GALNT12: variants seen among roughly 807,000 people sequenced by gnomAD.
The protein encoded by GALNT12 is polypeptide N-acetylgalactosaminyltransferase 12.
In GALNT12, 45 loss-of-function variants were observed where a neutral mutation model predicts 55.5. The ratio of observed to expected loss-of-function variants is 0.81; its 90% confidence interval spans 0.64 to 1.04. The LOEUF (loss-of-function observed/expected upper bound fraction) is 1.04. Ranked by LOEUF, GALNT12 falls within the 50% of genes least tolerant of loss-of-function variation. The pLI is 0.00. For missense variants in GALNT12, 709 were observed against 754.8 expected (o/e 0.94, Z 0.71); for synonymous variants, 304 against 312.2 (o/e 0.97, Z 0.28).
At chr9:98,817,670 G>A (rs1414815684) in intron 1 of GALNT12, among the ~76,000 whole-genome samples, 1 of 151,924 alleles carries the variant, frequency 6.6e-6, no homozygotes, top group East Asian at 1.9e-4. Context: ...CACTATGTTG[G>A]TCAGGCTGGT....
intron 4 of GALNT12, among the ~76,000 whole-genome samples, chr9:98,832,551 A>C (rs71501879): frequency 1.3e-5 from 2 of 152,140 alleles, no homozygotes; most frequent in Admixed American, 1.3e-4. Context: ...CAAAGCATGC[A>C]ATTTTAGTGG....
At position 98,849,168 on chromosome 9, in the gene GALNT12, G is replaced by A. The variant is rs1836493384; in HGVS notation, c.*76G>A. On this transcript the variant is annotated 3_prime_UTR_variant, in exon 10 of 10. Transcript: ENST00000375011. Reference sequence around the variant, plus strand: ...TGCCCAACAAAGACTTAGCTAAGCAGTGACCAGAACCCACCAAAAACTAGG... The same window carrying A: ...TGCCCAACAAAGACTTAGCTAAGCAATGACCAGAACCCACCAAAAACTAGG... 4 of 1,532,854 alleles carry A rather than the reference G, an allele frequency of 2.6e-6. 1 individual carries two copies. In the South Asian group the frequency reaches 4.5e-5, roughly 17 times the overall value. 95.0% of individuals were successfully genotyped at this position (1,532,854 alleles called of 1,614,324 possible).
At chr9:98,834,587 G>A (rs1312897423) in intron 4 of GALNT12, among the ~76,000 whole-genome samples, 1 of 152,248 alleles carries the variant, frequency 6.6e-6, no homozygotes, top group Non-Finnish European at 1.5e-5. Context: ...TGAAAAAGCA[G>A]CCTGAGGCTG....
chr9:98,832,646 C>T (rs1836029652), intron 4 of GALNT12, among the ~76,000 whole-genome samples: 1 of 152,140 alleles, frequency 6.6e-6, no homozygotes, highest in African/African-American at 2.4e-5. Context: ...AAAATATCCC[C>T]ACTAAGCAAT....
At chr9:98,845,071 C>T (rs972828218) in intron 8 of GALNT12, among the ~76,000 whole-genome samples, 11 of 152,114 alleles carry the variant, frequency 7.2e-5, no homozygotes, top group Non-Finnish European at 1.3e-4. Context: ...TAATTCCAAC[C>T]CCTGCAACCT....
chr9:98,838,647 C>T (rs189331786), intron 6 of GALNT12, among the ~76,000 whole-genome samples: 28 of 152,308 alleles, frequency 1.8e-4, no homozygotes, highest in African/African-American at 5.8e-4. Context: ...AAACACAGTC[C>T]ACTGCCTCTG....
At chr9:98,832,492 C>T (rs542702862) in intron 4 of GALNT12, among the ~76,000 whole-genome samples, 42 of 152,144 alleles carry the variant, frequency 2.8e-4, no homozygotes, top group African/African-American at 8.7e-4. Context: ...GTACTGCAGC[C>T]GGGCGATAGA....
Position 98,823,289 on chromosome 9 carries a change from G to A in GALNT12, c.405G>A (p.Leu135=). Residue 135 remains leucine, a synonymous_variant, in exon 2 of 10, where the codon TTG becomes TTA. Transcript: ENST00000375011. ...AGAAGAAATATGATTATGATAATTT[G>A]CCCAGGACATCTGTTATCATAGCAT... The part of the protein sequence containing the change: ...CKEKKYDYDN[L]PRTSVIIAFY... The A allele has an allele frequency of 6.2e-7, 1 of 1,614,140 alleles. No homozygotes were observed. Among genetic ancestry groups the A allele is most frequent in the African/African-American group, 1.3e-5 (1 of 75,062 alleles).
At chr9:98,810,763 G>T (rs763072795) in intron 1 of GALNT12, among the ~76,000 whole-genome samples, 5 of 152,124 alleles carry the variant, frequency 3.3e-5, no homozygotes, top group African/African-American at 4.8e-5. Flanking sequence ...GCCCCTCTAT[G>T]AATCTAATAA....
At position 98,845,995 on chromosome 9, in the gene GALNT12, CAGAA is replaced by C; in HGVS notation, c.1483_1486del (p.Glu495TyrfsTer113). 1 of 1,614,146 alleles carries C rather than the reference CAGAA, an allele frequency of 6.2e-7. No homozygotes were observed. The highest frequency in any genetic ancestry group is 1.1e-5 in the South Asian group (1 of 91,078). Reference sequence around the variant, plus strand: ...TTTTTAGTTTTTCGAGTACACGTCCCAGAAAGAAATACGCTATAACACCCACCAG... The same window carrying C: ...TTTTTAGTTTTTCGAGTACACGTCCCAGAAATACGCTATAACACCCACCAG... On this transcript the variant is annotated frameshift_variant, in exon 9 of 10. Transcript: ENST00000375011. LOFTEE classifies it high-confidence loss of function.
At chr9:98,848,789 T>G in intron 9 of GALNT12, 163 bp from the exon 10 acceptor site, 1 of 790,702 alleles carries the variant, frequency 1.3e-6, no homozygotes, top group South Asian at 1.6e-5. Context: ...CCTGGTGCTG[T>G]GTCCCCGGGA....
intron 1 of GALNT12, among the ~76,000 whole-genome samples, chr9:98,822,982 T>A (rs1460199446): frequency 6.6e-6 from 1 of 152,196 alleles, no homozygotes. Context: ...GTTCCCTTCC[T>A]TCTGATTCTG....
intron 2 of GALNT12, among the ~76,000 whole-genome samples, chr9:98,826,269 C>T (rs1323397034): frequency 5.9e-5 from 9 of 152,112 alleles, no homozygotes; most frequent in Admixed American, 4.6e-4. Flanking sequence ...CACAGCAAGT[C>T]CTCTTTAGTT....
intron 1 of GALNT12, among the ~76,000 whole-genome samples, chr9:98,821,962 G>C (rs1835752277): frequency 6.6e-6 from 1 of 152,178 alleles, no homozygotes; most frequent in African/African-American, 2.4e-5. Flanking sequence ...TGGGAGCAGG[G>C]GCCTGGCCTA....
chr9:98,839,434 A>C (rs1836235570), intron 6 of GALNT12, among the ~76,000 whole-genome samples: 1 of 152,254 alleles, frequency 6.6e-6, no homozygotes. Flanking sequence ...TGCTGTATTT[A>C]ATTATTCAAA....
rs36092245 is a variant in GALNT12, at chr9:98,817,397, CAT to C, written c.372-5856_372-5855del. Among the ~76,000 whole-genome samples, 809 of 152,302 alleles carry C rather than the reference CAT, an allele frequency of 5.3e-3. 5 individuals are homozygous for C. Among genetic ancestry groups the C allele is most frequent in the South Asian group, 0.024 (114 of 4,824 alleles). On this transcript the variant is annotated intron_variant, in intron 1 of 9. Coordinates refer to ENST00000375011, the MANE Select transcript of GALNT12 (RefSeq NM_024642.5). Reference sequence around the variant, plus strand: ...TATTAATATTTTTATAATACACACACATATGTTTTCCATTTGCTATAACATGT... The same window carrying C: ...TATTAATATTTTTATAATACACACACATGTTTTCCATTTGCTATAACATGT...
chr9:98,842,078 T>G (rs1323369629), intron 7 of GALNT12, among the ~76,000 whole-genome samples: 1 of 152,178 alleles, frequency 6.6e-6, no homozygotes, highest in Non-Finnish European at 1.5e-5. Context: ...GTTGTTTTTT[T>G]TTTTGTTGTG....
chr9:98,822,759 G>T (rs773471617), intron 1 of GALNT12, among the ~76,000 whole-genome samples: 1 of 152,128 alleles, frequency 6.6e-6, no homozygotes, highest in Non-Finnish European at 1.5e-5. Flanking sequence ...GAGGTGGGCC[G>T]GGTGCTGGAG....
chr9:98,812,214 A>G (rs746774078), intron 1 of GALNT12, among the ~76,000 whole-genome samples: 5 of 151,952 alleles, frequency 3.3e-5, no homozygotes, highest in Non-Finnish European at 7.4e-5. Flanking sequence ...TTTTCCTGAT[A>G]CCTTTTTCTT....
Sources: gnomAD v4.1 joint callset for allele counts (sites outside exome capture counted in the v4.1 genomes callset) on GRCh38, gnomAD v4.1.1 for gene constraint, MANE v1.5 for transcripts, NCBI Gene and HGNC (gene_info 2026-07-23, HGNC 2026-07-21) for gene names.